The following TASOR2 variants were observed in gnomAD, a reference collection of about 807,000 sequenced individuals.
TASOR2 encodes the protein protein TASOR 2.
A neutral mutation model predicts 199.5 loss-of-function variants in TASOR2; 84 were observed. The observed-to-expected ratio is 0.42, with a 90% CI of 0.35 to 0.50. TASOR2 has a LOEUF of 0.50. TASOR2 is among the 20% of genes least tolerant of loss of function. The pLI is 0.02. For missense variants in TASOR2, 2,796 were observed against 2,835.9 expected (o/e 0.99, Z 0.32); for synonymous variants, 1,103 against 1,046.6 (o/e 1.05, Z -1.04).
At chr10:5,705,793 A>G (rs1211523468) in intron 1 of TASOR2, among the ~76,000 whole-genome samples, 1 of 152,012 alleles carries the variant, frequency 6.6e-6, no homozygotes, top group Admixed American at 6.5e-5. Context: ...TGAGTTTTTT[A>G]TATATTCTAG....
At chr10:5,724,657 A>AGATATATAGATATAGATC (rs1833818503) in intron 8 of TASOR2, 124 bp downstream of exon 9, 1 of 187,402 alleles carries the variant, frequency 5.3e-6, no homozygotes, top group Non-Finnish European at 1.1e-5. Flanking sequence ...AGATAGATAT[A>AGATATATAGATATAGATC]GATATAGATA....
chr10:5,728,599 G>A (rs1364804262), intron 10 of TASOR2, among the ~76,000 whole-genome samples: 1 of 151,686 alleles, frequency 6.6e-6, no homozygotes, highest in Non-Finnish European at 1.5e-5. Context: ...GACAGAGGGA[G>A]ATTCTGTCTC....
chr10:5,735,399 A>G (rs1835432142), exon 12 of TASOR2: 14 of 1,614,204 alleles, frequency 8.7e-6, no homozygotes, highest in Non-Finnish European at 1.1e-5. Flanking sequence ...AGTGCCAACA[A>G]ATGCTAAAAG....
Position 5,729,140 on chromosome 10 carries a change from G to A in TASOR2, c.488-1347G>A, listed in dbSNP as rs568718434. 1.0e-3 allele frequency among the ~76,000 whole-genome samples: 155 copies of A among 150,512 alleles called. 1 individual carries two copies. Among genetic ancestry groups the A allele is most frequent in the African/African-American group, 3.6e-3 (148 of 40,932 alleles). On this transcript the variant is annotated intron_variant, in intron 10 of 20. Coordinates refer to ENST00000328090, the Ensembl canonical transcript of TASOR2. ...AAGGCGGGCGGATCACTTGAGGCCA[G>A]GAGTTGGAGACTAGCCTGGCCAACA...
intron 15 of TASOR2, among the ~76,000 whole-genome samples, chr10:5,753,450 T>C (rs2669137): frequency 0.85 from 129,179 of 152,142 alleles, 54,917 homozygotes; most frequent in African/African-American, 0.88. Context: ...GCAAGCTCTG[T>C]CTCCCGCATT....
intron 16 of TASOR2, 29 bp downstream of exon 17, chr10:5,756,767 G>A (rs3793707): frequency 1.7e-5 from 27 of 1,603,856 alleles, no homozygotes; most frequent in Middle Eastern, 1.7e-4. Context: ...ACAAAGAAAC[G>A]TATTCCAGGC....
At chr10:5,762,775 T>C in intron 20 of TASOR2, 129 bp downstream of exon 21, 1 of 685,102 alleles carries the variant, frequency 1.5e-6, no homozygotes, top group Non-Finnish European at 2.6e-6. Context: ...ATTTAAAGTG[T>C]TTGTTTAGGG....
intron 15 of TASOR2, among the ~76,000 whole-genome samples, chr10:5,755,208 C>G (rs1158515876): frequency 6.6e-6 from 1 of 152,114 alleles, no homozygotes; most frequent in Non-Finnish European, 1.5e-5. Context: ...TTCGTTAAAT[C>G]TCATAAGAAT....
chr10:5,703,438 GC>G (rs1251989716), intron 1 of TASOR2, among the ~76,000 whole-genome samples: 2 of 150,954 alleles, frequency 1.3e-5, no homozygotes, highest in East Asian at 3.9e-4. Context: ...TGAATTCCTG[GC>G]ATAAGCTTTA....
chr10:5,685,962 G>A lies in TASOR2; in HGVS notation c.-288+787G>A, dbSNP rs1010987436. ...GTATGGTATTATTGGAATGGCATTC[G>A]CGATCCTAGAGTCTACAGTGTTCCC... On this transcript the variant is annotated intron_variant, in intron 1 of 20. Transcript: ENST00000328090. The surrounding 1 kb of genome is among the most constrained non-coding windows in gnomAD (Gnocchi z 5.4). 5.3e-5 allele frequency among the ~76,000 whole-genome samples: 8 copies of A among 152,180 alleles called. No individual in the cohort carries two copies. Among genetic ancestry groups the A allele is most frequent in the Non-Finnish European group, 7.4e-5 (5 of 68,026 alleles).
chr10:5,731,195 G>C (rs1358048217), exon 11 of TASOR2: 2 of 1,597,770 alleles, frequency 1.3e-6, no homozygotes, highest in Admixed American at 1.7e-5. Context: ...CCTCAGAAAA[G>C]AAAAAGAGGT....
rs79797290 is a variant in TASOR2 at position 5,690,536 on chromosome 10, G to T, written c.-288+5361G>T. ...GCCCAGGACATTTTGCGTGGGCTAC[G>T]TGTAGAGGTGGTGGCCATACATAGT... On this transcript the variant is annotated intron_variant, in intron 1 of 20. Coordinates refer to ENST00000328090, the Ensembl canonical transcript of TASOR2. The surrounding 1 kb of genome is among the most constrained non-coding windows in gnomAD (Gnocchi z 4.8). 6.6e-6 allele frequency among the ~76,000 whole-genome samples: 1 copy of T among 152,194 alleles called. No homozygotes were observed. Among genetic ancestry groups the T allele is most frequent in the African/African-American group, 2.4e-5 (1 of 41,436 alleles).
Position 5,720,160 on chromosome 10 carries a change from C to A in TASOR2, c.-99-384C>A. 2.0e-6 allele frequency: 1 copy of A among 504,088 alleles called. No homozygotes were observed. Among genetic ancestry groups the A allele is most frequent in the South Asian group, 8.8e-5 (1 of 11,428 alleles). 31.2% of individuals were successfully genotyped at this position (504,088 alleles called of 1,614,324 possible). A position where few individuals can be genotyped will look rare whatever the true frequency, so the allele number is the denominator to read the frequency against. On this transcript the variant is annotated intron_variant, in intron 3 of 20. Transcript: ENST00000328090. The surrounding 1 kb of genome is among the most constrained non-coding windows in gnomAD (Gnocchi z 5.3). ...TCTTAATACAGTTACTGTTAGGGGACACATATCTGCATCCTTGTTAGACTA... is the reference window on the plus strand; with the variant it reads ...TCTTAATACAGTTACTGTTAGGGGAAACATATCTGCATCCTTGTTAGACTA...
chr10:5,739,905 A>G, exon 13 of TASOR2: 2 of 1,614,220 alleles, frequency 1.2e-6, no homozygotes, highest in Non-Finnish European at 1.7e-6. Flanking sequence ...TTTGCGAGGT[A>G]CATCTGACCA....
chr10:5,688,862 G>T (rs183905921), intron 1 of TASOR2, among the ~76,000 whole-genome samples: 1 of 152,106 alleles, frequency 6.6e-6, no homozygotes, highest in East Asian at 1.9e-4. Context: ...AATTAGTGGA[G>T]CGTGGTAGCA....
At chr10:5,695,315 A>G (rs943898467) in intron 1 of TASOR2, among the ~76,000 whole-genome samples, 1 of 152,238 alleles carries the variant, frequency 6.6e-6, no homozygotes. Flanking sequence ...ATTATAAATC[A>G]TGCAAGAAAA....
intron 17 of TASOR2, 33 bp from the exon 19 acceptor site, chr10:5,758,854 T>C: frequency 6.6e-7 from 1 of 1,519,468 alleles, no homozygotes; most frequent in Non-Finnish European, 9.1e-7. Flanking sequence ...CTTAAACTTG[T>C]CATCTTCTTT....
intron 1 of TASOR2, among the ~76,000 whole-genome samples, chr10:5,705,617 G>T (rs747395358): frequency 2.0e-5 from 3 of 152,096 alleles, no homozygotes; most frequent in Non-Finnish European, 4.4e-5. Flanking sequence ...TGTTCCAGAG[G>T]CTCCTCATCC....
chr10:5,702,417 A>G (rs1837983404), intron 1 of TASOR2, among the ~76,000 whole-genome samples: 1 of 151,940 alleles, frequency 6.6e-6, no homozygotes, highest in South Asian at 2.1e-4. Flanking sequence ...TTTTCTCTTC[A>G]TTGTCTCCTC....
Sources: allele counts gnomAD v4.1 joint callset (sites outside exome capture counted in the v4.1 genomes callset), GRCh38; gene constraint gnomAD v4.1.1; non-coding constraint Gnocchi (gnomAD v3.1); transcripts MANE v1.5; gene names NCBI Gene and HGNC (gene_info 2026-07-23, HGNC 2026-07-21).